TP63: variants seen among roughly 807,000 people sequenced by gnomAD.
TP63 encodes tumor protein p63.
TP63 carries 17 observed loss-of-function variants against 82.8 expected under a neutral mutation model. That is an observed-to-expected ratio of 0.21 (90% CI 0.14 to 0.31). TP63 has a LOEUF of 0.31. Ranked by LOEUF, TP63 falls within the 10% of genes least tolerant of loss-of-function variation. The pLI is 1.00. For synonymous variants in TP63, 330 were observed against 321.7 expected (o/e 1.03, Z -0.28); for missense variants, 648 against 895.3 (o/e 0.72, Z 3.52).
chr3:189,775,812 C>A (rs907937608), intron 3 of TP63, among the ~76,000 whole-genome samples: 7 of 152,068 alleles, frequency 4.6e-5, no homozygotes, highest in African/African-American at 1.7e-4. Flanking sequence ...GAATTTAAAG[C>A]AGAAATTGAG....
At chr3:189,753,498 G>C (rs559398994) in intron 3 of TP63, among the ~76,000 whole-genome samples, 6 of 151,770 alleles carry the variant, frequency 4.0e-5, no homozygotes, top group Non-Finnish European at 1.5e-5. Flanking sequence ...ATGTTTGCAA[G>C]GCAAATTTTT....
rs934989413 is a variant in TP63 at position 189,895,200 on chromosome 3, G to C, written c.*698G>C. 8 of 221,054 alleles carry C rather than the reference G, an allele frequency of 3.6e-5. No individual in the cohort carries two copies. The highest frequency in any genetic ancestry group is 5.4e-5 in the Non-Finnish European group (6 of 110,616). 13.7% of individuals were successfully genotyped at this position (221,054 alleles called of 1,614,324 possible). A position where few individuals can be genotyped will look rare whatever the true frequency, so the allele number is the denominator to read the frequency against. On this transcript the variant is annotated 3_prime_UTR_variant, in exon 14 of 14. Transcript: ENST00000264731. Reference sequence around the variant, plus strand: ...TTTTATATTACTGACATTTCTTCTAGTGATGATGGTTCACGTTGGGGTGAT... The same window carrying C: ...TTTTATATTACTGACATTTCTTCTACTGATGATGGTTCACGTTGGGGTGAT...
rs779050433 is a variant in TP63, at chr3:189,875,589, C to CATATATATATATATATATATAT, written c.1349+2597_1349+2598insTATATATATATATATATATATA. On this transcript the variant is annotated intron_variant, in intron 10 of 13. Transcript: ENST00000264731. Reference sequence around the variant, plus strand: ...TCAAAAAGAAAAAGAAAAAAAAATACATACATATATATATATATATATATA... The same window carrying CATATATATATATATATATATAT: ...TCAAAAAGAAAAAGAAAAAAAAATACATATATATATATATATATATATATACATATATATATATATATATATA... Among the ~76,000 whole-genome samples the CATATATATATATATATATATAT allele has an allele frequency of 2.7e-4, 12 of 44,422 alleles. 1 individual carries two copies. Among genetic ancestry groups the CATATATATATATATATATATAT allele is most frequent in the African/African-American group, 1.3e-3 (12 of 9,448 alleles). The allele number at this position is 44,422 out of a possible 152,430, so 29.1% of individuals were successfully genotyped here. A position where few individuals can be genotyped will look rare whatever the true frequency, so the allele number is the denominator to read the frequency against.
At chr3:189,724,428 C>G (rs1719621885) in intron 1 of TP63, among the ~76,000 whole-genome samples, 1 of 152,122 alleles carries the variant, frequency 6.6e-6, no homozygotes, top group Non-Finnish European at 1.5e-5. Context: ...GCTCATCCCC[C>G]AAGTAGTATA....
intron 11 of TP63, among the ~76,000 whole-genome samples, chr3:189,887,665 A>G (rs1404848405): frequency 6.6e-6 from 1 of 152,226 alleles, no homozygotes; most frequent in Non-Finnish European, 1.5e-5. Context: ...GATACAGAAG[A>G]CTGAACATTG....
chr3:189,812,349 A>G (rs1054484497), intron 4 of TP63, among the ~76,000 whole-genome samples: 1 of 152,230 alleles, frequency 6.6e-6, no homozygotes, highest in Admixed American at 6.5e-5. Context: ...AACATTTTTC[A>G]TCTTCTCTGT....
intron 3 of TP63, among the ~76,000 whole-genome samples, chr3:189,743,144 A>G (rs1014813748): frequency 2.6e-5 from 4 of 152,170 alleles, no homozygotes; most frequent in Non-Finnish European, 5.9e-5. Flanking sequence ...AAGAGAGATA[A>G]ATTTCCCCAA....
intron 1 of TP63, among the ~76,000 whole-genome samples, chr3:189,682,269 A>G (rs533362273): frequency 6.6e-6 from 1 of 152,088 alleles, no homozygotes; most frequent in Non-Finnish European, 1.5e-5. Context: ...ACCAATGCAT[A>G]TATGAAAAAT....
intron 4 of TP63, among the ~76,000 whole-genome samples, chr3:189,840,857 CAAAA>C (rs58360712): frequency 0.53 from 51,234 of 96,468 alleles, 9,647 homozygotes; most frequent in Non-Finnish European, 0.56. Context: ...ACTCAGTCTC[CAAAA>C]AAAAAAAAAA....
At chr3:189,802,402 G>T (rs1028513269) in intron 3 of TP63, among the ~76,000 whole-genome samples, 1 of 152,212 alleles carries the variant, frequency 6.6e-6, no homozygotes, top group Non-Finnish European at 1.5e-5. Context: ...CATCTGTATA[G>T]AGAGAGAACA....
chr3:189,738,863 A>C (rs961018561), intron 3 of TP63, 89 bp downstream of exon 3: 3 of 1,561,542 alleles, frequency 1.9e-6, no homozygotes, highest in South Asian at 2.3e-5. Context: ...GTGAAAAGGC[A>C]GGTGGCTCTG....
At chr3:189,852,523 C>A (rs1461963449) in intron 4 of TP63, among the ~76,000 whole-genome samples, 1 of 152,128 alleles carries the variant, frequency 6.6e-6, no homozygotes, top group South Asian at 2.1e-4. Flanking sequence ...ATGTTAAAAC[C>A]AAGAAGGCTG....
chr3:189,749,064 AC>A (rs1345141616), intron 3 of TP63, among the ~76,000 whole-genome samples: 1 of 152,116 alleles, frequency 6.6e-6, no homozygotes, highest in Non-Finnish European at 1.5e-5. Flanking sequence ...AGGCCTTAAA[AC>A]TATAAACTAC....
intron 3 of TP63, among the ~76,000 whole-genome samples, chr3:189,771,866 A>G (rs977629462): frequency 2.6e-5 from 4 of 152,178 alleles, no homozygotes; most frequent in African/African-American, 9.7e-5. Context: ...TTTCCTATGC[A>G]TATGACCCTG....
chr3:189,689,098 CTTTTTCTTTTTTTTTT>C (rs1308326755), intron 1 of TP63, among the ~76,000 whole-genome samples: 11 of 85,152 alleles, frequency 1.3e-4, no homozygotes, highest in South Asian at 5.1e-4. Flanking sequence ...TCAAATCTAC[CTTTTTCTTTTTTTTTT>C]TTTTTTTTTT....
intron 1 of TP63, among the ~76,000 whole-genome samples, chr3:189,697,766 AT>A (rs1717502389): frequency 6.6e-6 from 1 of 151,920 alleles, no homozygotes; most frequent in Admixed American, 6.6e-5. Context: ...TCCTGTATTT[AT>A]TTTATTGGAT....
the TP63 span, among the ~76,000 whole-genome samples, chr3:189,625,225 A>G: frequency 6.6e-6 from 1 of 152,322 alleles, no homozygotes; most frequent in South Asian, 2.1e-4. Context: ...GTTCACAGTA[A>G]ATCTGAAAGA....
intron 1 of TP63, among the ~76,000 whole-genome samples, chr3:189,710,664 T>C (rs910035545): frequency 6.6e-6 from 1 of 152,178 alleles, no homozygotes; most frequent in African/African-American, 2.4e-5. Flanking sequence ...TAGTTATTTA[T>C]GTGCTTAAAA....
At chr3:189,742,444 C>A in intron 3 of TP63, among the ~76,000 whole-genome samples, 1 of 151,546 alleles carries the variant, frequency 6.6e-6, no homozygotes, top group East Asian at 1.9e-4. Flanking sequence ...AAACTTTGAA[C>A]CCTTTTAACC....
Sources: gnomAD v4.1 joint callset for allele counts (sites outside exome capture counted in the v4.1 genomes callset) on GRCh38, gnomAD v4.1.1 for gene constraint, MANE v1.5 for transcripts, NCBI Gene and HGNC (gene_info 2026-07-23, HGNC 2026-07-21) for gene names.